GPD2: variants seen among roughly 807,000 people sequenced by gnomAD.
The protein encoded by GPD2 is glycerol-3-phosphate dehydrogenase, mitochondrial.
Under a neutral mutation model 82.4 loss-of-function variants are expected in GPD2, and 54 were observed. The observed-to-expected ratio is 0.66, with a 90% CI of 0.53 to 0.82. The LOEUF (loss-of-function observed/expected upper bound fraction) is 0.82, where lower values mean the gene tolerates loss of function less well. Ranked by LOEUF, GPD2 falls within the 40% of genes least tolerant of loss-of-function variation. GPD2 has a pLI of 0.00. For synonymous variants in GPD2, 288 were observed against 306.1 expected (o/e 0.94, Z 0.62); for missense variants, 748 against 896.2 (o/e 0.83, Z 2.11).
chr2:156,564,938 A>G (rs531767075), intron 9 of GPD2, among the ~76,000 whole-genome samples: 11 of 152,090 alleles, frequency 7.2e-5, no homozygotes, highest in Admixed American at 2.6e-4. Context: ...ATTTTTGACT[A>G]TCAACTCCAG....
chr2:156,498,425 G>A (rs895992562), intron 3 of GPD2, among the ~76,000 whole-genome samples: 3 of 152,158 alleles, frequency 2.0e-5, no homozygotes, highest in African/African-American at 7.2e-5. Context: ...TATGCTGTTT[G>A]GCATAGGTAA....
At chr2:156,445,971 T>A (rs1013318966) in intron 1 of GPD2, among the ~76,000 whole-genome samples, 4 of 152,218 alleles carry the variant, frequency 2.6e-5, no homozygotes, top group Non-Finnish European at 5.9e-5. Context: ...TCACTTTCCT[T>A]TCAATGATTC....
chr2:156,478,662 G>T (rs1683608852), intron 2 of GPD2, among the ~76,000 whole-genome samples: 1 of 152,086 alleles, frequency 6.6e-6, no homozygotes, highest in South Asian at 2.1e-4. Context: ...GAATTTTCCT[G>T]ACTTCAATAG....
At chr2:156,478,620 T>TA (rs1209129034) in intron 2 of GPD2, among the ~76,000 whole-genome samples, 5 of 151,954 alleles carry the variant, frequency 3.3e-5, no homozygotes, top group African/African-American at 1.2e-4. Context: ...TCTCAGAAAA[T>TA]ATCTGCCAAT....
intron 12 of GPD2, 132 bp downstream of exon 12, chr2:156,570,350 T>A: frequency 9.1e-6 from 7 of 766,058 alleles, no homozygotes; most frequent in Non-Finnish European, 1.6e-5. Flanking sequence ...GACTACTATG[T>A]CTTTCCAATA....
intron 1 of GPD2, among the ~76,000 whole-genome samples, chr2:156,471,842 G>T (rs965289902): frequency 9.9e-5 from 15 of 152,158 alleles, no homozygotes; most frequent in African/African-American, 3.4e-4. Context: ...CCTACAGATA[G>T]ATTAATTGCT....
Position 156,513,451 on chromosome 2 carries a change from A to G in GPD2, c.616A>G (p.Met206Val), listed in dbSNP as rs769108865. Residue 206 changes from methionine (M) to valine (V), a missense_variant, in exon 6 of 17, where the codon ATG (methionine) becomes GTG (valine). Around this residue, in one of 3 missense-constraint regions of GPD2, gnomAD observed 692 missense variants for 809.7 expected, o/e 0.85. Transcript: ENST00000438166. ...ATCAAGAGCCCTTGAACATTTCCCA[A>G]TGCTCCAGAAGGACAAACTGGTAGG... Reference protein sequence around the residue: ...SKSRALEHFPMLQKDKLVGAI... With the variant: ...SKSRALEHFPVLQKDKLVGAI... 4.4e-5 allele frequency: 71 copies of G among 1,613,136 alleles called. No individual in the cohort carries two copies. The highest frequency in any genetic ancestry group is 5.8e-5 in the Non-Finnish European group (68 of 1,179,534).
intron 6 of GPD2, among the ~76,000 whole-genome samples, chr2:156,515,244 T>C (rs1207504569): frequency 6.6e-6 from 1 of 151,884 alleles, no homozygotes; most frequent in Non-Finnish European, 1.5e-5. Context: ...CTACTAAAAA[T>C]ACAAGAAATT....
At chr2:156,441,123 A>C (rs938735012) in intron 1 of GPD2, among the ~76,000 whole-genome samples, 1 of 152,184 alleles carries the variant, frequency 6.6e-6, no homozygotes, top group East Asian at 1.9e-4. Context: ...AAAGCTTCTG[A>C]GTTGGTGAAT....
chr2:156,560,257 C>T (rs1687119436), intron 9 of GPD2, among the ~76,000 whole-genome samples: 1 of 151,866 alleles, frequency 6.6e-6, no homozygotes, highest in South Asian at 2.1e-4. Context: ...GAGACTGGAT[C>T]ACTTATGTTC....
At position 156,586,344 on chromosome 2, in the gene GPD2, G is replaced by A. The variant is rs1688213442; in HGVS notation, c.*3426G>A. The A allele has an allele frequency of 6.6e-6, 1 of 151,954 alleles. No homozygotes were observed. Among genetic ancestry groups the A allele is most frequent in the South Asian group, 2.1e-4 (1 of 4,822 alleles). 9.4% of individuals were successfully genotyped at this position (151,954 alleles called of 1,614,324 possible). On this transcript the variant is annotated 3_prime_UTR_variant, in exon 17 of 17. Transcript: ENST00000438166. The stretch of plus-strand genomic sequence containing the variant: ...TTAATTTGTTGCTGTAGCCTTTAGG[G>A]CATGACTTCTGTATTTGTGCAATCC...
At chr2:156,524,222 C>A (rs1269717487) in intron 6 of GPD2, among the ~76,000 whole-genome samples, 1 of 150,708 alleles carries the variant, frequency 6.6e-6, no homozygotes, top group Admixed American at 6.6e-5. Flanking sequence ...TTTTTGTTTC[C>A]TGATGGTTTT....
At chr2:156,567,407 T>C (rs1558965473) in intron 9 of GPD2, among the ~76,000 whole-genome samples, 1 of 152,102 alleles carries the variant, frequency 6.6e-6, no homozygotes, top group Non-Finnish European at 1.5e-5. Flanking sequence ...CCTTCATTCT[T>C]TCACATGTGG....
At chr2:156,524,556 A>G (rs957562174) in intron 6 of GPD2, among the ~76,000 whole-genome samples, 2 of 152,138 alleles carry the variant, frequency 1.3e-5, no homozygotes, top group African/African-American at 4.8e-5. Flanking sequence ...ACTTTTTCAC[A>G]GGGTACAGAC....
chr2:156,533,113 GA>G (rs1258851634), intron 6 of GPD2, among the ~76,000 whole-genome samples: 4 of 152,192 alleles, frequency 2.6e-5, no homozygotes, highest in Non-Finnish European at 5.9e-5. Context: ...ACTGAGTGCA[GA>G]ATGTTTCTCT....
intron 3 of GPD2, among the ~76,000 whole-genome samples, chr2:156,502,531 A>G (rs1684624363): frequency 6.6e-6 from 1 of 152,058 alleles, no homozygotes; most frequent in Non-Finnish European, 1.5e-5. Flanking sequence ...GGTTCAAGAG[A>G]CCCTACCACC....
At chr2:156,492,097 G>C (rs1341036095) in intron 2 of GPD2, among the ~76,000 whole-genome samples, 1 of 147,312 alleles carries the variant, frequency 6.8e-6, no homozygotes, top group Non-Finnish European at 1.5e-5. Context: ...CAGTGTAAGA[G>C]AGTTTCAATT....
At chr2:156,538,264 G>A (rs1686155629) in intron 6 of GPD2, among the ~76,000 whole-genome samples, 1 of 152,110 alleles carries the variant, frequency 6.6e-6, no homozygotes, top group Non-Finnish European at 1.5e-5. Context: ...AAATTGATTG[G>A]CACTAGCCCA....
rs771404828 is a variant in GPD2, at chr2:156,552,894, CTT to C, written c.971+2170_971+2171del. Among the ~76,000 whole-genome samples, 48 of 107,354 alleles carry C rather than the reference CTT, an allele frequency of 4.5e-4. 1 individual carries two copies. The highest frequency in any genetic ancestry group is 1.5e-3 in the African/African-American group (40 of 26,810). 70.4% of individuals were successfully genotyped at this position (107,354 alleles called of 152,430 possible). A position where few individuals can be genotyped will look rare whatever the true frequency, so the allele number is the denominator to read the frequency against. ...TCTTTCAGCTTCTGGTTCCTTATAT[CTT>C]TTTTTTTTTTTTTTTTTTTTTGAGA... is the stretch of plus-strand genomic sequence containing the variant. On this transcript the variant is annotated intron_variant, in intron 8 of 16. Coordinates refer to ENST00000438166, the MANE Select transcript of GPD2 (RefSeq NM_000408.5).
Sources: allele counts gnomAD v4.1 joint callset (sites outside exome capture counted in the v4.1 genomes callset), GRCh38; gene constraint gnomAD v4.1.1; regional missense constraint gnomAD v4.1.1; transcripts MANE v1.5; gene names NCBI Gene and HGNC (gene_info 2026-07-23, HGNC 2026-07-21).